The following OCA2 variants were observed in gnomAD, a reference collection of about 807,000 sequenced individuals.
OCA2 encodes the protein P protein.
A neutral mutation model predicts 100.2 loss-of-function variants in OCA2; 77 were observed. The observed-to-expected ratio is 0.77, with a 90% CI of 0.64 to 0.93. The LOEUF is 0.93. OCA2 is among the 40% of genes least tolerant of loss of function. The pLI, the probability that OCA2 is intolerant of heterozygous loss-of-function variation, is 0.00. For synonymous variants in OCA2, 432 were observed against 439.2 expected, an observed-to-expected ratio of 0.98 and a Z score of 0.21; for missense variants, 1,062 against 1,089.1, an observed-to-expected ratio of 0.98 and a Z score of 0.35.
At chr15:28,011,183 G>A (rs970480604) in intron 9 of OCA2, among the ~76,000 whole-genome samples, 1 of 152,130 alleles carries the variant, frequency 6.6e-6, no homozygotes, top group Non-Finnish European at 1.5e-5. Context: ...AATAACTCAA[G>A]GCCTGGCACA....
chr15:27,988,740 T>C (rs1322122554), intron 11 of OCA2, among the ~76,000 whole-genome samples: 2 of 152,166 alleles, frequency 1.3e-5, no homozygotes, highest in Non-Finnish European at 2.9e-5. Context: ...CTTCCTCTCT[T>C]CTATCCAGAT....
Position 27,960,673 on chromosome 15 carries a change from C to T in OCA2, c.1637-2938G>A, listed in dbSNP as rs531315376. 3.9e-5 allele frequency among the ~76,000 whole-genome samples: 6 copies of T among 152,172 alleles called. 1 individual carries two copies. The highest frequency in any genetic ancestry group is 9.6e-5 in the African/African-American group (4 of 41,510). Reference sequence around the variant, plus strand: ...ATCCTAGCACTTTGGGAGGCTGAGGCGAGCAGATCACCTGAGGTCGGGAGT... The same window carrying T: ...ATCCTAGCACTTTGGGAGGCTGAGGTGAGCAGATCACCTGAGGTCGGGAGT... On this transcript the variant is annotated intron_variant, in intron 15 of 23. Transcript: ENST00000354638.
At chr15:28,081,111 G>A (rs1050005041) in intron 2 of OCA2, among the ~76,000 whole-genome samples, 20 of 152,202 alleles carry the variant, frequency 1.3e-4, no homozygotes, top group African/African-American at 4.3e-4. Context: ...GAGGAGGGAT[G>A]GTGGAAAAGT....
At chr15:28,009,220 A>G (rs2042169697) in intron 9 of OCA2, among the ~76,000 whole-genome samples, 1 of 152,184 alleles carries the variant, frequency 6.6e-6, no homozygotes, top group Non-Finnish European at 1.5e-5. Flanking sequence ...TTCCACATCA[A>G]GTTACAGACA....
chr15:27,917,153 A>T (rs181625337), intron 19 of OCA2, among the ~76,000 whole-genome samples: 8 of 152,254 alleles, frequency 5.3e-5, no homozygotes, highest in Non-Finnish European at 1.5e-5. Context: ...TAGTTTGAAC[A>T]TGAATAGGTT....
chr15:27,755,378 T>C lies in OCA2; in HGVS notation c.*10A>G, dbSNP rs1424771632. On this transcript the variant is annotated 3_prime_UTR_variant, in exon 24 of 24. Coordinates refer to ENST00000354638, the MANE Select transcript of OCA2 (RefSeq NM_000275.3). Reference sequence around the variant, plus strand: ...TTTCCTTTAGTCTTCGAGCAATAGATGGATGTCTATTAATTCCATCCCACC... The same window carrying C: ...TTTCCTTTAGTCTTCGAGCAATAGACGGATGTCTATTAATTCCATCCCACC... 1.3e-6 allele frequency: 2 copies of C among 1,583,830 alleles called. No homozygotes were observed. Among genetic ancestry groups the C allele is most frequent in the Non-Finnish European group, 1.7e-6 (2 of 1,152,386 alleles).
chr15:27,774,965 T>G (rs2032106202), intron 23 of OCA2, among the ~76,000 whole-genome samples: 1 of 152,212 alleles, frequency 6.6e-6, no homozygotes, highest in East Asian at 1.9e-4. Context: ...TACTTTGTCC[T>G]GGCAGCCTGA....
the OCA2 span, among the ~76,000 whole-genome samples, chr15:27,724,286 C>T: frequency 3.3e-5 from 5 of 152,264 alleles, no homozygotes; most frequent in East Asian, 3.9e-4. Context: ...GGTTCCTACC[C>T]GGGCTGTGAG....
At chr15:28,089,934 A>C (rs1008530966) in intron 1 of OCA2, among the ~76,000 whole-genome samples, 1 of 152,220 alleles carries the variant, frequency 6.6e-6, no homozygotes, top group African/African-American at 2.4e-5. Context: ...TGTAGCCCCA[A>C]ATCTAAAATA....
intron 10 of OCA2, 31 bp downstream of exon 10, chr15:27,990,545 T>C (rs758053336): frequency 3.1e-6 from 5 of 1,605,540 alleles, no homozygotes; most frequent in Non-Finnish European, 4.3e-6. Context: ...CACTGAGTGG[T>C]AAGCCAGGGA....
chr15:27,997,035 G>C (rs2041752023), intron 9 of OCA2, among the ~76,000 whole-genome samples: 1 of 85,836 alleles, frequency 1.2e-5, no homozygotes, highest in South Asian at 2.6e-4. Context: ...GAAAGAGAGA[G>C]AGAGAGAAAG....
chr15:27,955,988 G>A (rs1352296514), intron 16 of OCA2, among the ~76,000 whole-genome samples: 2 of 152,166 alleles, frequency 1.3e-5, no homozygotes, highest in Non-Finnish European at 2.9e-5. Flanking sequence ...GGCAGTCTGG[G>A]TCGTAAGAAA....
intron 15 of OCA2, among the ~76,000 whole-genome samples, chr15:27,964,366 G>C (rs148541369): frequency 1.6e-3 from 243 of 152,310 alleles, no homozygotes; most frequent in Middle Eastern, 0.01. Context: ...GGTGATCAGA[G>C]GGATAGGCTC....
intron 23 of OCA2, among the ~76,000 whole-genome samples, chr15:27,769,232 G>T (rs1029436259): frequency 2.6e-5 from 4 of 152,226 alleles, no homozygotes; most frequent in Non-Finnish European, 4.4e-5. Flanking sequence ...TGCCATGTTA[G>T]GGAAGGCACT....
chr15:27,840,346 C>G (rs2035299641), intron 23 of OCA2, among the ~76,000 whole-genome samples: 1 of 152,068 alleles, frequency 6.6e-6, no homozygotes, highest in East Asian at 1.9e-4. Flanking sequence ...AACAAATCCA[C>G]AGATAAGAAA....
the OCA2 span, among the ~76,000 whole-genome samples, chr15:27,746,879 G>T: frequency 1.3e-5 from 2 of 152,140 alleles, no homozygotes; most frequent in Non-Finnish European, 2.9e-5. Flanking sequence ...ACAGTCTGGT[G>T]GGATCAGACC....
chr15:27,841,593 AG>A (rs1292139543), intron 23 of OCA2, among the ~76,000 whole-genome samples: 2 of 152,246 alleles, frequency 1.3e-5, no homozygotes, highest in Non-Finnish European at 2.9e-5. Flanking sequence ...TTTTGACTAT[AG>A]AATATCTAAA....
At chr15:27,733,548 ACCACT>A in the OCA2 span, among the ~76,000 whole-genome samples, 2 of 152,114 alleles carry the variant, frequency 1.3e-5, no homozygotes, top group Non-Finnish European at 2.9e-5. Flanking sequence ...GCCCATCAGA[ACCACT>A]CCAGGCCCTC....
At chr15:27,885,669 T>C (rs920975070) in intron 19 of OCA2, among the ~76,000 whole-genome samples, 6 of 152,222 alleles carry the variant, frequency 3.9e-5, no homozygotes, top group Admixed American at 1.3e-4. Flanking sequence ...GTTTGATTTC[T>C]AAATATAAGT....
Sources: gnomAD v4.1 joint callset for allele counts (sites outside exome capture counted in the v4.1 genomes callset) on GRCh38, gnomAD v4.1.1 for gene constraint, MANE v1.5 for transcripts, NCBI Gene and HGNC (gene_info 2026-07-23, HGNC 2026-07-21) for gene names.